Variants in DST observed in about 807,000 individuals in gnomAD.
DST encodes dystonin, also known as bullous pemphigoid antigen.
A neutral mutation model predicts 875.2 loss-of-function variants in DST; 253 were observed. That is an observed-to-expected ratio of 0.29 (90% CI 0.26 to 0.32). The LOEUF (loss-of-function observed/expected upper bound fraction) is 0.32, where lower values mean the gene tolerates loss of function less well. Ranked by LOEUF, DST falls within the 10% of genes least tolerant of loss-of-function variation. The pLI is 1.00. For missense variants in DST, 8,287 were observed against 9,111.6 expected, an observed-to-expected ratio of 0.91 and a Z score of 3.68; for synonymous variants, 3,124 against 3,197.1, an observed-to-expected ratio of 0.98 and a Z score of 0.77.
intron 4 of DST, among the ~76,000 whole-genome samples, chr6:56,743,896 G>A (rs1264623260): frequency 6.6e-6 from 1 of 152,188 alleles, no homozygotes; most frequent in South Asian, 2.1e-4. Context: ...GCTCACGCCT[G>A]TAATCCCAGT....
intron 9 of DST, among the ~76,000 whole-genome samples, chr6:56,698,987 A>C (rs1236995645): frequency 6.6e-6 from 1 of 152,210 alleles, no homozygotes; most frequent in Non-Finnish European, 1.5e-5. Context: ...TAGTAGCAGA[A>C]CATTTCTTAA....
intron 3 of DST, among the ~76,000 whole-genome samples, chr6:56,891,218 A>T (rs1787238337): frequency 6.6e-6 from 1 of 152,198 alleles, no homozygotes; most frequent in Admixed American, 6.5e-5. Context: ...ACCAACTCTG[A>T]CAACGTCCAG....
chr6:56,682,019 T>C (rs2099159546), intron 9 of DST, among the ~76,000 whole-genome samples: 1 of 152,220 alleles, frequency 6.6e-6, no homozygotes, highest in Non-Finnish European at 1.5e-5. Flanking sequence ...TTTGGCACTA[T>C]GTAAAAATAA....
rs1408970194 is a variant in DST at position 56,477,386 on chromosome 6, T to C, written c.21634A>G (p.Ile7212Val). The C allele has an allele frequency of 2.5e-6, 4 of 1,613,860 alleles. No individual in the cohort carries two copies. The African/African-American group carries it at 5.3e-5, about 22-fold the overall frequency. Reference protein sequence around the residue: ...AICHPDSITTIKHWITIIRAR... With the variant: ...AICHPDSITTVKHWITIIRAR... ...CGGATGATTGTTATCCAGTGCTTAATGGTAGTGATGGAGTCGGGGTGGCAG... is the reference window on the plus strand; with the variant it reads ...CGGATGATTGTTATCCAGTGCTTAACGGTAGTGATGGAGTCGGGGTGGCAG... Residue 7212 changes from isoleucine to valine, a missense_variant, in exon 91 of 104, where the codon ATT (isoleucine) becomes GTT (valine). By Grantham distance (29) the Ile-to-Val change is conservative. Transcript: ENST00000680361.
intron 103 of DST, 46 bp downstream of exon 103, chr6:56,460,085 G>A (rs1459537004): frequency 6.4e-7 from 1 of 1,568,918 alleles, no homozygotes; most frequent in Admixed American, 1.8e-5. Flanking sequence ...ATCCTCAGAT[G>A]ACCATGCTGC....
At chr6:56,850,038 C>T (rs13200145) in intron 4 of DST, among the ~76,000 whole-genome samples, 1,789 of 152,300 alleles carry the variant, frequency 0.012, 14 homozygotes, top group Non-Finnish European at 0.02. Context: ...CTCAACAGGG[C>T]AAGGAGGCAG....
At chr6:56,720,007 T>C (rs968124855) in intron 5 of DST, among the ~76,000 whole-genome samples, 1 of 152,192 alleles carries the variant, frequency 6.6e-6, no homozygotes, top group Non-Finnish European at 1.5e-5. Flanking sequence ...TAACATCTTA[T>C]CAGGAGACAG....
At chr6:56,685,447 T>C (rs1191455031) in intron 9 of DST, among the ~76,000 whole-genome samples, 6 of 152,078 alleles carry the variant, frequency 3.9e-5, no homozygotes, top group Admixed American at 2.6e-4. Flanking sequence ...AGAACCACAA[T>C]GAGATACCAT....
intron 49 of DST, among the ~76,000 whole-genome samples, chr6:56,580,215 G>A (rs536410040): frequency 9.9e-5 from 15 of 152,252 alleles, no homozygotes; most frequent in Middle Eastern, 3.4e-3. Context: ...AGTAGTCACT[G>A]TGGCTAGTGG....
chr6:56,620,770 C>T (rs764729773), intron 36 of DST: 31 of 1,491,614 alleles, frequency 2.1e-5, no homozygotes, highest in South Asian at 9.0e-5. Flanking sequence ...TATCTTACAA[C>T]GTATGAATCA....
Position 56,605,416 on chromosome 6 carries a change from C to T in DST, c.9212G>A (p.Arg3071Lys). Residue 3071 changes from arginine (R) to lysine (K), a missense_variant, in exon 40 of 104, where the codon AGG becomes AAG. Around this residue, in one of 10 missense-constraint regions of DST, gnomAD observed 3,138 missense variants for 3,116.6 expected, o/e 1.01. Coordinates refer to ENST00000680361, the MANE Select transcript of DST (RefSeq NM_001374736.1). ...TTTACCAGGCAAAAGTTTGAGATGC[C>T]TATTTTCTTCTTCTACTAGACCTTC... ...LVEGLVEEENRHLKLLPGKNT... is the reference protein window; with the variant it reads ...LVEGLVEEENKHLKLLPGKNT... 1 of 1,612,768 alleles carries T rather than the reference C, an allele frequency of 6.2e-7. No individual in the cohort carries two copies. The highest frequency in any genetic ancestry group is 8.5e-7 in the Non-Finnish European group (1 of 1,179,242).
chr6:56,799,491 A>G (rs1240290086), intron 4 of DST, among the ~76,000 whole-genome samples: 1 of 152,072 alleles, frequency 6.6e-6, no homozygotes, highest in Non-Finnish European at 1.5e-5. Context: ...CACCACCCTG[A>G]TCAGTCAACA....
intron 47 of DST, among the ~76,000 whole-genome samples, chr6:56,594,573 T>C (rs928698753): frequency 6.6e-6 from 1 of 152,200 alleles, no homozygotes; most frequent in African/African-American, 2.4e-5. Flanking sequence ...TACCTAATTT[T>C]TGGACAAACA....
chr6:56,530,179 A>C (rs765426481), intron 64 of DST, 46 bp from the exon 65 acceptor site: 1 of 1,440,520 alleles, frequency 6.9e-7, no homozygotes, highest in East Asian at 2.4e-5. Flanking sequence ...AATGTGTGAA[A>C]TATTCAACAA....
In DST at chr6:56,630,262, G is replaced by T. The variant is rs1396516044; in HGVS notation, c.4264C>A (p.Leu1422Ile). 3 of 1,598,892 alleles carry T rather than the reference G, an allele frequency of 1.9e-6. No homozygotes were observed. In the Admixed American group the frequency reaches 5.0e-5, roughly 27 times the overall value. The change falls in exon 31 of 104, where the codon CTA becomes ATA. Residue 1422 changes from leucine (L) to isoleucine (I), a missense_variant. Leu to Ile is a conservative substitution (Grantham distance 5). This residue lies in a region of DST where 3,138 missense variants were observed against 3,116.6 expected (regional missense o/e 1.01). Transcript: ENST00000680361. Reference sequence around the variant, plus strand: ...TCTCATACCTTTAAAGTACTTATTAGATTCTCAATATTATTCTTGTCAGCT... The same window carrying T: ...TCTCATACCTTTAAAGTACTTATTATATTCTCAATATTATTCTTGTCAGCT... ...VIADKNNIENLISTLKQWRSE... is the reference protein window; with the variant it reads ...VIADKNNIENIISTLKQWRSE...
intron 36 of DST, chr6:56,619,823 C>A: frequency 6.2e-7 from 1 of 1,614,026 alleles, no homozygotes; most frequent in Non-Finnish European, 8.5e-7. Context: ...TTTTAGCAAA[C>A]GAGCCTTTTC....
At position 56,557,315 on chromosome 6, in the gene DST, T is replaced by C. The variant is rs746427730; in HGVS notation, c.14640+4A>G. ...CGAGAGACAGGTTATTAGGTAATAC[T>C]CACCTGCACCTGCTGCCTTTGTGTG... On this transcript the variant is annotated splice_donor_region_variant and intron_variant, in intron 59 of 103. Transcript: ENST00000680361. The C allele has an allele frequency of 5.6e-6, 9 of 1,610,922 alleles. No individual in the cohort carries two copies. Among genetic ancestry groups the C allele is most frequent in the African/African-American group, 4.0e-5 (3 of 74,754 alleles).
intron 49 of DST, among the ~76,000 whole-genome samples, chr6:56,581,596 C>T (rs939141297): frequency 1.3e-5 from 2 of 152,196 alleles, no homozygotes; most frequent in Non-Finnish European, 2.9e-5. Flanking sequence ...AGAAGTTTGA[C>T]CCTGCATTTC....
Position 56,570,755 on chromosome 6 carries a change from T to C in DST, c.13722-743A>G, listed in dbSNP as rs150508844. ...AAGATAGGAGTATTCAAGAAATCTG[T>C]AGCCCATATGTAATGGCACTCTCTA... On this transcript the variant is annotated intron_variant, in intron 53 of 103. Transcript: ENST00000680361. Among the ~76,000 whole-genome samples, 1,027 of 152,278 alleles carry C rather than the reference T, an allele frequency of 6.7e-3. 7 individuals are homozygous for C. The highest frequency in any genetic ancestry group is 0.024 in the African/African-American group (978 of 41,554).
Sources: gnomAD v4.1 joint callset for allele counts (sites outside exome capture counted in the v4.1 genomes callset) on GRCh38, gnomAD v4.1.1 for gene constraint, gnomAD v4.1.1 regional missense constraint, MANE v1.5 for transcripts, NCBI Gene and HGNC (gene_info 2026-07-23, HGNC 2026-07-21) for gene names.